Variants in FSTL4 observed in about 807,000 individuals in gnomAD.
The protein encoded by FSTL4 is follistatin-related protein 4.
In FSTL4, 28 loss-of-function variants were observed where a neutral mutation model predicts 78.2. That is an observed-to-expected ratio of 0.36 (90% confidence interval 0.27 to 0.49). The LOEUF (loss-of-function observed/expected upper bound fraction) is 0.49, where lower values mean the gene tolerates loss of function less well. FSTL4 is among the 20% of genes least tolerant of loss of function. The pLI, the probability that FSTL4 is intolerant of heterozygous loss-of-function variation, is 0.98. For missense variants in FSTL4, 922 were observed against 1,084.9 expected (o/e 0.85, Z 2.11); for synonymous variants, 422 against 440.5 (o/e 0.96, Z 0.53).
the FSTL4 span, among the ~76,000 whole-genome samples, chr5:133,753,683 C>CTTTGTGTTTG: frequency 1.7e-5 from 2 of 120,600 alleles, no homozygotes; most frequent in African/African-American, 6.1e-5. Context: ...CACATTTGTT[C>CTTTGTGTTTG]TGTGTGTGTG....
At chr5:133,223,019 G>A (rs1581541521) in intron 11 of FSTL4, among the ~76,000 whole-genome samples, 1 of 152,228 alleles carries the variant, frequency 6.6e-6, no homozygotes, top group African/African-American at 2.4e-5. Context: ...GGGCACTGGG[G>A]TCTTTGTAGC....
chr5:133,542,873 T>C (rs1031000146), intron 3 of FSTL4, among the ~76,000 whole-genome samples: 1 of 152,118 alleles, frequency 6.6e-6, no homozygotes, highest in African/African-American at 2.4e-5. Flanking sequence ...TTAGATTTAT[T>C]GGTTCTTTCA....
At chr5:133,690,444 C>G in the FSTL4 span, among the ~76,000 whole-genome samples, 1 of 152,056 alleles carries the variant, frequency 6.6e-6, no homozygotes, top group African/African-American at 2.4e-5. Context: ...TCTGCTGCAC[C>G]TCAAATATGC....
chr5:133,708,352 G>T, the FSTL4 span, among the ~76,000 whole-genome samples: 1 of 152,134 alleles, frequency 6.6e-6, no homozygotes, highest in Non-Finnish European at 1.5e-5. Context: ...TCCAGGACCC[G>T]CTGTGGGTGG....
At position 133,233,537 on chromosome 5, in the gene FSTL4, C is replaced by T; in HGVS notation, c.895G>A (p.Asp299Asn). 2.5e-6 allele frequency: 4 copies of T among 1,611,982 alleles called. No individual in the cohort carries two copies. Among genetic ancestry groups the T allele is most frequent in the Non-Finnish European group, 3.4e-6 (4 of 1,179,682 alleles). ...LNFLDLEDIN[D>N]FGEDDSLYIT... ...TACAGGGAATCATCCTCTCCAAAGTCCTGCACAGGGCAAAGATGACGATGA... is the reference window on the plus strand; with the variant it reads ...TACAGGGAATCATCCTCTCCAAAGTTCTGCACAGGGCAAAGATGACGATGA... Residue 299 changes from aspartate to asparagine, a missense_variant and splice_region_variant, in exon 8 of 16, where the codon GAC becomes AAC. Asp to Asn is a conservative substitution (Grantham distance 23, BLOSUM62 1). Coordinates refer to ENST00000265342, the MANE Select transcript of FSTL4 (RefSeq NM_015082.2).
intron 6 of FSTL4, 112 bp from the exon 7 acceptor site, chr5:133,249,688 C>A: frequency 1.4e-6 from 1 of 737,084 alleles, no homozygotes; most frequent in Non-Finnish European, 2.2e-6. Context: ...AAGGGCTTCA[C>A]GACTCCCTGA....
chr5:133,712,377 C>T, the FSTL4 span, among the ~76,000 whole-genome samples: 1 of 152,074 alleles, frequency 6.6e-6, no homozygotes, highest in Non-Finnish European at 1.5e-5. Context: ...CTCCATGGTG[C>T]CCCATCTGGT....
At chr5:133,728,620 C>A in the FSTL4 span, among the ~76,000 whole-genome samples, 1 of 152,318 alleles carries the variant, frequency 6.6e-6, no homozygotes, top group South Asian at 2.1e-4. Flanking sequence ...TTTAGAGGAA[C>A]TGGAATCAGC....
intron 4 of FSTL4, among the ~76,000 whole-genome samples, chr5:133,375,138 G>A (rs1256668927): frequency 6.6e-6 from 1 of 151,318 alleles, no homozygotes; most frequent in East Asian, 1.9e-4. Context: ...TGTCTCTCCT[G>A]AAGGGATTCT....
At chr5:133,682,976 C>G in the FSTL4 span, among the ~76,000 whole-genome samples, 16 of 152,138 alleles carry the variant, frequency 1.1e-4, no homozygotes, top group South Asian at 2.1e-4. Flanking sequence ...GTGGGAAACC[C>G]AAGTGACTAA....
chr5:133,788,467 C>T, the FSTL4 span, among the ~76,000 whole-genome samples: 64 of 152,328 alleles, frequency 4.2e-4, no homozygotes, highest in African/African-American at 1.5e-3. Flanking sequence ...TGGCAAGTGC[C>T]GCTCACACCA....
intron 6 of FSTL4, among the ~76,000 whole-genome samples, chr5:133,286,385 C>T (rs1335263156): frequency 1.4e-5 from 2 of 147,228 alleles, no homozygotes; most frequent in Admixed American, 6.7e-5. Context: ...ACCCAGATCT[C>T]CACATTCAGG....
chr5:133,591,923 T>C (rs1003761167), intron 2 of FSTL4, among the ~76,000 whole-genome samples: 1 of 152,190 alleles, frequency 6.6e-6, no homozygotes, highest in African/African-American at 2.4e-5. Flanking sequence ...TACATGAGCA[T>C]GTTAGCAGGC....
At chr5:133,202,112 G>A (rs1215731337) in intron 14 of FSTL4, 70 bp from the exon 15 acceptor site, 12 of 963,636 alleles carry the variant, frequency 1.2e-5, no homozygotes, top group South Asian at 5.3e-5. Context: ...ACACCTGTAC[G>A]CTCAGGTGGA....
In FSTL4 at chr5:133,489,104, T is replaced by C. The variant is rs141130328; in HGVS notation, c.160+78082A>G. On this transcript the variant is annotated intron_variant, in intron 3 of 15. Transcript: ENST00000265342. Reference sequence around the variant, plus strand: ...CTATCCTGGCACGGGGTGCCACTACTAATCAGGCCCAGAAGCATCCAAAAT... The same window carrying C: ...CTATCCTGGCACGGGGTGCCACTACCAATCAGGCCCAGAAGCATCCAAAAT... 1.1e-3 allele frequency among the ~76,000 whole-genome samples: 162 copies of C among 152,358 alleles called. 1 individual carries two copies. The East Asian group carries it at 0.021, about 20-fold the overall frequency.
intron 4 of FSTL4, among the ~76,000 whole-genome samples, chr5:133,374,071 C>A (rs909281695): frequency 1.3e-5 from 2 of 152,188 alleles, no homozygotes; most frequent in Non-Finnish European, 2.9e-5. Flanking sequence ...ATTAATCTAG[C>A]TAGCCATGTC....
chr5:133,468,597 T>C (rs1433496006), intron 3 of FSTL4, among the ~76,000 whole-genome samples: 1 of 152,172 alleles, frequency 6.6e-6, no homozygotes, highest in Non-Finnish European at 1.5e-5. Flanking sequence ...CCTCTAGCCA[T>C]GTCAGCATTG....
At chr5:133,835,827 A>G in the FSTL4 span, among the ~76,000 whole-genome samples, 5 of 152,258 alleles carry the variant, frequency 3.3e-5, no homozygotes, top group Admixed American at 1.3e-4. Flanking sequence ...GTGATTATAA[A>G]TAAGTCTATT....
chr5:133,276,976 C>T (rs1227882857), intron 6 of FSTL4, among the ~76,000 whole-genome samples: 1 of 152,102 alleles, frequency 6.6e-6, no homozygotes, highest in Non-Finnish European at 1.5e-5. Flanking sequence ...TCCGTTGATA[C>T]AAAGTTCAAA....
Sources: gnomAD v4.1 joint callset for allele counts (sites outside exome capture counted in the v4.1 genomes callset) on GRCh38, gnomAD v4.1.1 for gene constraint, MANE v1.5 for transcripts, NCBI Gene and HGNC (gene_info 2026-07-23, HGNC 2026-07-21) for gene names.